The following FAM124A variants were observed in gnomAD, a reference collection of about 807,000 sequenced individuals.
The protein encoded by FAM124A is family with sequence similarity 124 member A, also known as protein FAM124A.
FAM124A carries 23 observed loss-of-function variants against 24.5 expected under a neutral mutation model. The observed-to-expected ratio is 0.94, with a 90% CI of 0.68 to 1.33. The LOEUF (loss-of-function observed/expected upper bound fraction) is 1.33. FAM124A is among the 40% of genes most tolerant of loss of function. The probability of loss-of-function intolerance (pLI) is 0.00; values close to 1 mark genes in which losing one functional copy is unlikely to be tolerated. For missense variants in FAM124A, 623 were observed against 722.8 expected (o/e 0.86, Z 1.58); for synonymous variants, 287 against 314.7 (o/e 0.91, Z 0.93).
chr13:51,228,184 AATTT>A (rs1344552255), intron 1 of FAM124A, among the ~76,000 whole-genome samples: 1 of 152,138 alleles, frequency 6.6e-6, no homozygotes, highest in Non-Finnish European at 1.5e-5. Flanking sequence ...CCTGGAAAAT[AATTT>A]ATTCTGTATA....
chr13:51,243,076 C>T (rs573598170), intron 2 of FAM124A, among the ~76,000 whole-genome samples: 35 of 152,182 alleles, frequency 2.3e-4, no homozygotes, highest in Non-Finnish European at 4.0e-4. Flanking sequence ...ATTATAAATG[C>T]AGTTTGGATC....
At chr13:51,226,592 C>T (rs1954317804) in intron 1 of FAM124A, among the ~76,000 whole-genome samples, 1 of 152,168 alleles carries the variant, frequency 6.6e-6, no homozygotes, top group East Asian at 1.9e-4. Context: ...CAATGCTCAA[C>T]TACCTAGGGT....
At position 51,251,337 on chromosome 13, in the gene FAM124A, C is replaced by G. The variant is rs1954616946; in HGVS notation, c.101-131C>G. 1 of 1,216,044 alleles carries G rather than the reference C, an allele frequency of 8.2e-7. No individual in the cohort carries two copies. Among genetic ancestry groups the G allele is most frequent in the Non-Finnish European group, 1.1e-6 (1 of 923,160 alleles). The allele number at this position is 1,216,044 out of a possible 1,614,324, so 75.3% of individuals were successfully genotyped here. A position where few individuals can be genotyped will look rare whatever the true frequency, so the allele number is the denominator to read the frequency against. On this transcript the variant is annotated intron_variant, in intron 2 of 3. Transcript: ENST00000322475. This position sits in a 1 kb window ranked among gnomAD's most constrained non-coding sequence, Gnocchi z 5.3. ...AGGTAAACTTGGGATCAGAAAATCACAGGTCATGGAGTCAGTTCAGTTAGA... is the reference window on the plus strand; with the variant it reads ...AGGTAAACTTGGGATCAGAAAATCAGAGGTCATGGAGTCAGTTCAGTTAGA...
chr13:51,263,277 G>A (rs1466631254), intron 3 of FAM124A, among the ~76,000 whole-genome samples: 3 of 152,244 alleles, frequency 2.0e-5, no homozygotes, highest in Non-Finnish European at 4.4e-5. Context: ...TCTTAACCAG[G>A]CAGAGAGCCT....
chr13:51,231,514 G>C, intron 2 of FAM124A, 135 bp downstream of exon 2: 1 of 910,400 alleles, frequency 1.1e-6, no homozygotes, highest in Non-Finnish European at 1.6e-6. Context: ...ATGTGGTACA[G>C]GATGCTGTAA....
At chr13:51,246,361 T>G (rs1044888780) in intron 2 of FAM124A, among the ~76,000 whole-genome samples, 57 of 144,630 alleles carry the variant, frequency 3.9e-4, no homozygotes, top group African/African-American at 1.3e-3. Context: ...CCTCAAATGC[T>G]TGGTTTCCTA....
At position 51,231,328 on chromosome 13, in the gene FAM124A, G is replaced by A. The variant is rs200493333; in HGVS notation, c.69-20G>A. ...CATTTGGATAAAGAATTCTACTAAC[G>A]CTGAGGTCTTGTGTTTCAGGTCCGA... On this transcript the variant is annotated intron_variant, in intron 1 of 3. Coordinates refer to ENST00000322475, the MANE Select transcript of FAM124A (RefSeq NM_001242312.2). The A allele has an allele frequency of 2.2e-5, 35 of 1,613,540 alleles. No homozygotes were observed. The Admixed American group carries it at 2.8e-4, about 13-fold the overall frequency.
intron 1 of FAM124A, among the ~76,000 whole-genome samples, chr13:51,226,015 A>G (rs1954312955): frequency 1.0e-5 from 1 of 99,640 alleles, no homozygotes; most frequent in African/African-American, 4.5e-5. Context: ...TTTTTTTAAC[A>G]GACAGGTCTC....
rs370895532 is a variant in FAM124A at position 51,281,166 on chromosome 13, C to G, written c.1551C>G (p.Thr517=). 143 of 1,613,750 alleles carry G rather than the reference C, an allele frequency of 8.9e-5. No homozygotes were observed. Among genetic ancestry groups the G allele is most frequent in the Non-Finnish European group, 1.1e-4 (135 of 1,179,980 alleles). The part of the protein sequence containing the change: ...TDSSPQLPCD[T]PKVKQTDGDM... The stretch of plus-strand genomic sequence containing the variant: ...CCTCCCCACAGCTCCCATGCGATAC[C>G]CCCAAAGTCAAGCAGACTGATGGAG... Residue 517 remains threonine, a synonymous_variant, in exon 4 of 4, where the codon ACC becomes ACG. Transcript: ENST00000322475.
At chr13:51,228,629 G>T (rs1954340838) in intron 1 of FAM124A, among the ~76,000 whole-genome samples, 1 of 152,144 alleles carries the variant, frequency 6.6e-6, no homozygotes, top group Admixed American at 6.5e-5. Context: ...AACTTGTCCA[G>T]AGTACAGACT....
chr13:51,244,123 G>A (rs538174621), intron 2 of FAM124A, among the ~76,000 whole-genome samples: 20 of 152,216 alleles, frequency 1.3e-4, no homozygotes, highest in Non-Finnish European at 8.8e-5. Flanking sequence ...TGTTGGCCTC[G>A]TCGGGGATTA....
intron 2 of FAM124A, among the ~76,000 whole-genome samples, chr13:51,240,438 C>T (rs1468104324): frequency 2.0e-5 from 3 of 152,306 alleles, no homozygotes; most frequent in East Asian, 1.9e-4. Context: ...TTTTCCTTTT[C>T]GTAACAACAG....
At chr13:51,254,102 T>TG (rs771969434) in intron 3 of FAM124A, among the ~76,000 whole-genome samples, 1 of 152,154 alleles carries the variant, frequency 6.6e-6, no homozygotes, top group Non-Finnish European at 1.5e-5. Flanking sequence ...AGTTAGGTCT[T>TG]GGGGGGAGGA....
In FAM124A at chr13:51,245,025, C is replaced by T. The variant is rs1029546705; in HGVS notation, c.101-6443C>T. Among the ~76,000 whole-genome samples, 6 of 152,218 alleles carry T rather than the reference C, an allele frequency of 3.9e-5. No homozygotes were observed. The East Asian group carries it at 9.6e-4, about 24-fold the overall frequency. On this transcript the variant is annotated intron_variant, in intron 2 of 3. Transcript: ENST00000322475. ...CTGCCAAGGAAATCAAGGATGTGGA[C>T]ACACAAGGAGTGAGATTAAGAGCAG...
chr13:51,249,298 A>G (rs1413473331), intron 2 of FAM124A, among the ~76,000 whole-genome samples: 1 of 152,200 alleles, frequency 6.6e-6, no homozygotes, highest in African/African-American at 2.4e-5. Context: ...CTCTATGCTC[A>G]TATTTAACTC....
intron 3 of FAM124A, among the ~76,000 whole-genome samples, chr13:51,277,521 A>G (rs1954895832): frequency 1.3e-5 from 2 of 152,254 alleles, no homozygotes; most frequent in Non-Finnish European, 2.9e-5. Flanking sequence ...TTGGCCGGGC[A>G]TGGTGGCTCA....
intron 1 of FAM124A, among the ~76,000 whole-genome samples, chr13:51,225,681 GGA>G (rs1316640479): frequency 2.6e-5 from 4 of 152,262 alleles, no homozygotes; most frequent in African/African-American, 9.6e-5. Context: ...TTTTTTAAAT[GGA>G]GATGATGAAG....
At chr13:51,242,862 TGA>T (rs1356992467) in intron 2 of FAM124A, among the ~76,000 whole-genome samples, 2 of 152,102 alleles carry the variant, frequency 1.3e-5, no homozygotes, top group African/African-American at 4.8e-5. Context: ...ATAAAAAAAA[TGA>T]GAGGGCGGTC....
At position 51,258,976 on chromosome 13, in the gene FAM124A, G is replaced by C. The variant is rs1458126539; in HGVS notation, c.834+6775G>C. On this transcript the variant is annotated intron_variant, in intron 3 of 3. Transcript: ENST00000322475. This position sits in a 1 kb window ranked among gnomAD's most constrained non-coding sequence, Gnocchi z 4.2. ...AGGGAGCAGAAGGCACAATGGCCTG[G>C]GCAGGACGGGGCCGGGGCAGCCGTC... Among the ~76,000 whole-genome samples the C allele has an allele frequency of 6.6e-6, 1 of 152,186 alleles. No homozygotes were observed. The highest frequency in any genetic ancestry group is 1.5e-5 in the Non-Finnish European group (1 of 68,034).
Sources: gnomAD v4.1 joint callset for allele counts (sites outside exome capture counted in the v4.1 genomes callset) on GRCh38, gnomAD v4.1.1 for gene constraint, Gnocchi (gnomAD v3.1) non-coding constraint, MANE v1.5 for transcripts, NCBI Gene and HGNC (gene_info 2026-07-23, HGNC 2026-07-21) for gene names.